The following PLXNC1 variants were observed in gnomAD, a reference collection of about 807,000 sequenced individuals.
PLXNC1 encodes the protein plexin-C1.
In PLXNC1, 75 loss-of-function variants were observed where a neutral mutation model predicts 178.2. That is an observed-to-expected ratio of 0.42 (90% CI 0.35 to 0.51). The LOEUF (loss-of-function observed/expected upper bound fraction) is 0.51. PLXNC1 is among the 20% of genes least tolerant of loss of function. The pLI, the probability that PLXNC1 is intolerant of heterozygous loss-of-function variation, is 0.02. For synonymous variants in PLXNC1, 790 were observed against 779.9 expected (o/e 1.01, Z -0.22); for missense variants, 1,503 against 1,984.4 (o/e 0.76, Z 4.61).
intron 5 of PLXNC1, among the ~76,000 whole-genome samples, chr12:94,211,138 A>G (rs752884523): frequency 2.0e-5 from 3 of 152,174 alleles, no homozygotes; most frequent in Non-Finnish European, 4.4e-5. Flanking sequence ...CAAATTAATC[A>G]CTGTTTATAT....
chr12:94,216,603 C>A (rs551692808), intron 5 of PLXNC1, among the ~76,000 whole-genome samples: 1 of 152,304 alleles, frequency 6.6e-6, no homozygotes, highest in African/African-American at 2.4e-5. Flanking sequence ...TATATTCATT[C>A]CGTTTGAAGC....
chr12:94,190,268 G>A (rs978848688), intron 4 of PLXNC1, among the ~76,000 whole-genome samples: 1 of 152,148 alleles, frequency 6.6e-6, no homozygotes, highest in Admixed American at 6.5e-5. Context: ...TTGAGACAGG[G>A]TCTCATCCTG....
intron 9 of PLXNC1, among the ~76,000 whole-genome samples, chr12:94,228,226 A>G (rs774920640): frequency 9.2e-5 from 14 of 152,266 alleles, no homozygotes; most frequent in African/African-American, 1.7e-4. Context: ...CTTGATGCTC[A>G]GGTATCTCCA....
intron 1 of PLXNC1, among the ~76,000 whole-genome samples, chr12:94,155,877 A>G (rs1413541293): frequency 6.6e-6 from 1 of 152,236 alleles, no homozygotes; most frequent in Non-Finnish European, 1.5e-5. Context: ...AGTTGGTTGC[A>G]TGGAATAAAG....
At chr12:94,172,505 G>A (rs755291802) in intron 2 of PLXNC1, among the ~76,000 whole-genome samples, 29 of 152,142 alleles carry the variant, frequency 1.9e-4, no homozygotes, top group Non-Finnish European at 3.8e-4. Flanking sequence ...ATATGCTCAT[G>A]TAAAAAGTTG....
chr12:94,255,276 C>T lies in PLXNC1; in HGVS notation c.3067C>T (p.Leu1023=), dbSNP rs1275153247. 1.2e-6 allele frequency: 2 copies of T among 1,611,044 alleles called. No individual in the cohort carries two copies. The highest frequency in any genetic ancestry group is 1.7e-4 in the Middle Eastern group (1 of 6,060). ...VPFLDYKHFA[L]RTFFPESGGF... is the part of the protein sequence containing the mutation. ...CTTCCTTGACTACAAACATTTTGCT[C>T]TGAGAACTTTCTTCCCTGAGGTAAA... Residue 1023 remains leucine, a synonymous_variant, in exon 17 of 31, where the codon CTG becomes TTG. Coordinates refer to ENST00000258526, the MANE Select transcript of PLXNC1 (RefSeq NM_005761.3).
intron 12 of PLXNC1, 140 bp downstream of exon 12, chr12:94,244,165 C>G: frequency 2.1e-6 from 1 of 479,814 alleles, no homozygotes; most frequent in Non-Finnish European, 3.8e-6. Flanking sequence ...TATATTCTAT[C>G]CATGCTAGAA....
intron 2 of PLXNC1, among the ~76,000 whole-genome samples, chr12:94,178,758 A>G (rs1962195041): frequency 6.6e-6 from 1 of 152,228 alleles, no homozygotes; most frequent in Non-Finnish European, 1.5e-5. Context: ...TTTTAATTAA[A>G]TGTAAATTTT....
intron 6 of PLXNC1, among the ~76,000 whole-genome samples, chr12:94,222,832 C>T (rs748018209): frequency 1.3e-5 from 2 of 152,192 alleles, no homozygotes; most frequent in Non-Finnish European, 2.9e-5. Flanking sequence ...ATTCTACTCA[C>T]ATGTATCAAG....
chr12:94,283,120 C>T (rs1414554919), intron 23 of PLXNC1, among the ~76,000 whole-genome samples: 1 of 151,520 alleles, frequency 6.6e-6, no homozygotes, highest in African/African-American at 2.4e-5. Context: ...CAGGTCCCTG[C>T]CCTCACAGAG....
In PLXNC1 at chr12:94,174,687, TAGG is replaced by T. The variant is rs201224637; in HGVS notation, c.1203+5397_1203+5399del. ...ACCCAGAAGATGTTCAAATAAGGAA[TAGG>T]AGAACTTGGGGAACCTAGAACAGGA... On this transcript the variant is annotated intron_variant, in intron 2 of 30. Coordinates refer to ENST00000258526, the MANE Select transcript of PLXNC1 (RefSeq NM_005761.3). Among the ~76,000 whole-genome samples, 100 of 152,258 alleles carry T rather than the reference TAGG, an allele frequency of 6.6e-4. 1 individual carries two copies. The East Asian group carries it at 0.017, about 26-fold the overall frequency.
At chr12:94,169,358 A>AT (rs3214968) in intron 2 of PLXNC1, 65 bp downstream of exon 2, 978,553 of 1,326,036 alleles carry the variant, frequency 0.74, 363,484 homozygotes, top group East Asian at 0.87. Context: ...TTAAAAAAAC[A>AT]TTTTTTTAAT....
chr12:94,266,808 AG>A (rs1965269403), intron 21 of PLXNC1, among the ~76,000 whole-genome samples: 1 of 152,240 alleles, frequency 6.6e-6, no homozygotes, highest in South Asian at 2.1e-4. Flanking sequence ...GAACATTGCC[AG>A]GCATGTGAGT....
At chr12:94,275,419 C>T (rs547820874) in intron 21 of PLXNC1, among the ~76,000 whole-genome samples, 12 of 152,306 alleles carry the variant, frequency 7.9e-5, no homozygotes, top group Admixed American at 5.9e-4. Flanking sequence ...TGAGGGCAGA[C>T]GCTGTGATGT....
intron 5 of PLXNC1, among the ~76,000 whole-genome samples, chr12:94,217,808 C>A (rs969512619): frequency 6.6e-6 from 1 of 152,180 alleles, no homozygotes; most frequent in African/African-American, 2.4e-5. Flanking sequence ...ATGTTCTATA[C>A]TTCTACTAGT....
rs772144618 is a variant in PLXNC1, at chr12:94,306,568, A to G, written c.*1283A>G. 9 of 152,034 alleles carry G rather than the reference A, an allele frequency of 5.9e-5. No individual in the cohort carries two copies. The highest frequency in any genetic ancestry group is 3.3e-4 in the Admixed American group (5 of 15,250). The allele number at this position is 152,034 out of a possible 1,614,324, so 9.4% of individuals were successfully genotyped here. A position where few individuals can be genotyped will look rare whatever the true frequency, so the allele number is the denominator to read the frequency against. On this transcript the variant is annotated 3_prime_UTR_variant, in exon 31 of 31. Coordinates refer to ENST00000258526, the MANE Select transcript of PLXNC1 (RefSeq NM_005761.3). ...GAAGAAGTAAACAGCATAATTGGCA[A>G]CTCTTGAGCTTTTCTTGTGGCAGGC...
Position 94,232,653 on chromosome 12 carries a change from C to T in PLXNC1, c.1981-5011C>T, listed in dbSNP as rs540089181. ...ACTGCATGGAGCTTACATGGTAGAA[C>T]TTATAATATTTTGGAGGAAATAAGA... On this transcript the variant is annotated intron_variant, in intron 9 of 30. Transcript: ENST00000258526. Among the ~76,000 whole-genome samples, 5 of 152,246 alleles carry T rather than the reference C, an allele frequency of 3.3e-5. No individual in the cohort carries two copies. The South Asian group carries it at 1.0e-3, about 32-fold the overall frequency.
intron 4 of PLXNC1, among the ~76,000 whole-genome samples, chr12:94,201,261 G>T (rs565143536): frequency 1.3e-5 from 2 of 152,244 alleles, no homozygotes; most frequent in African/African-American, 2.4e-5. Flanking sequence ...GCCTCGAATT[G>T]TGTCTGCCTC....
At chr12:94,246,630 G>A (rs899903979) in intron 12 of PLXNC1, among the ~76,000 whole-genome samples, 4 of 152,168 alleles carry the variant, frequency 2.6e-5, no homozygotes, top group African/African-American at 9.7e-5. Context: ...AGGATAATAG[G>A]GTTGGGTGAT....
Sources: gnomAD v4.1 joint callset for allele counts (sites outside exome capture counted in the v4.1 genomes callset) on GRCh38, gnomAD v4.1.1 for gene constraint, MANE v1.5 for transcripts, NCBI Gene and HGNC (gene_info 2026-07-23, HGNC 2026-07-21) for gene names.